MTMR7: variants seen among roughly 807,000 people sequenced by gnomAD.
MTMR7 encodes phosphatidylinositol-3-phosphate phosphatase MTMR7.
In MTMR7, 76 loss-of-function variants were observed where a neutral mutation model predicts 81.2. That is an observed-to-expected ratio of 0.94 (90% CI 0.78 to 1.13). MTMR7 has a LOEUF of 1.13. Ranked by LOEUF, MTMR7 falls within the 50% of genes most tolerant of loss-of-function variation. The pLI is 0.00. For missense variants in MTMR7, 1,044 were observed against 820.0 expected (o/e 1.27, Z -3.34); for synonymous variants, 372 against 289.8 (o/e 1.28, Z -2.88).
intron 1 of MTMR7, among the ~76,000 whole-genome samples, chr8:17,390,740 CAAGG>C (rs1264719383): frequency 3.9e-5 from 6 of 152,150 alleles, no homozygotes. Flanking sequence ...TCGTTCTTCA[CAAGG>C]GAGCAGGAGA....
chr8:17,356,848 C>G (rs528084156), intron 4 of MTMR7, among the ~76,000 whole-genome samples: 3 of 152,216 alleles, frequency 2.0e-5, no homozygotes, highest in Non-Finnish European at 4.4e-5. Context: ...TACCAACCGT[C>G]GGGGAGTCTG....
intron 1 of MTMR7, among the ~76,000 whole-genome samples, chr8:17,392,571 G>C (rs1821135589): frequency 6.6e-6 from 1 of 152,196 alleles, no homozygotes; most frequent in Non-Finnish European, 1.5e-5. Flanking sequence ...GGAATCTAGG[G>C]CGATGTCACT....
At chr8:17,405,869 C>A (rs781679165) in intron 1 of MTMR7, among the ~76,000 whole-genome samples, 3,011 of 92,684 alleles carry the variant, frequency 0.032, 58 homozygotes, top group Middle Eastern at 0.064. Flanking sequence ...CACACACACA[C>A]ACACACACAC....
intron 7 of MTMR7, among the ~76,000 whole-genome samples, chr8:17,327,378 C>T (rs1209837511): frequency 6.6e-6 from 1 of 152,194 alleles, no homozygotes; most frequent in Non-Finnish European, 1.5e-5. Flanking sequence ...CCAAGTGATC[C>T]TCCCACATCA....
intron 1 of MTMR7, among the ~76,000 whole-genome samples, chr8:17,385,307 C>T (rs1024531719): frequency 2.0e-5 from 3 of 152,002 alleles, no homozygotes; most frequent in Admixed American, 6.6e-5. Context: ...TTGGCTGTGT[C>T]CCCACGCAAA....
intron 1 of MTMR7, among the ~76,000 whole-genome samples, chr8:17,373,454 G>A (rs995216974): frequency 1.3e-5 from 2 of 152,112 alleles, no homozygotes; most frequent in African/African-American, 4.8e-5. Flanking sequence ...ACGAAAATAT[G>A]AGTTTAAAGG....
intron 10 of MTMR7, among the ~76,000 whole-genome samples, chr8:17,307,053 C>G (rs1019935231): frequency 6.6e-6 from 1 of 152,132 alleles, no homozygotes; most frequent in African/African-American, 2.4e-5. Flanking sequence ...TCTAATTAAA[C>G]TAAAGAGCTT....
chr8:17,342,091 A>AT (rs910250295), intron 5 of MTMR7, among the ~76,000 whole-genome samples: 4 of 151,458 alleles, frequency 2.6e-5, no homozygotes, highest in Admixed American at 1.3e-4. Context: ...AACAAGGGGG[A>AT]TTTTTTTTTG....
At chr8:17,337,124 C>T (rs568244144) in intron 6 of MTMR7, among the ~76,000 whole-genome samples, 1 of 152,136 alleles carries the variant, frequency 6.6e-6, no homozygotes, top group Non-Finnish European at 1.5e-5. Context: ...GTAATCCTAG[C>T]ACTTTGGGAG....
intron 1 of MTMR7, among the ~76,000 whole-genome samples, chr8:17,412,699 A>T (rs1345720642): frequency 6.6e-6 from 1 of 152,152 alleles, no homozygotes; most frequent in African/African-American, 2.4e-5. Context: ...GCAAGAACAC[A>T]CCATCATTCA....
intron 1 of MTMR7, among the ~76,000 whole-genome samples, chr8:17,397,285 C>T (rs928153403): frequency 6.6e-6 from 1 of 152,138 alleles, no homozygotes; most frequent in African/African-American, 2.4e-5. Context: ...TCCCTGATTC[C>T]AGGCCAAGGC....
intron 4 of MTMR7, among the ~76,000 whole-genome samples, chr8:17,360,810 G>A (rs764070757): frequency 1.3e-5 from 2 of 152,112 alleles, no homozygotes; most frequent in Admixed American, 6.5e-5. Flanking sequence ...ATGGGAGAAT[G>A]AGATCCAGGC....
intron 2 of MTMR7, among the ~76,000 whole-genome samples, chr8:17,371,499 T>C (rs1412264307): frequency 3.3e-5 from 5 of 152,228 alleles, no homozygotes; most frequent in Admixed American, 6.5e-5. Context: ...TAGTCAAATA[T>C]TGAATGCGCT....
intron 1 of MTMR7, among the ~76,000 whole-genome samples, chr8:17,382,623 C>G (rs1046789080): frequency 1.3e-5 from 2 of 152,158 alleles, no homozygotes; most frequent in African/African-American, 4.8e-5. Context: ...TCACGCTACA[C>G]GGCATGCAGA....
chr8:17,401,189 T>C (rs973718360), intron 1 of MTMR7, among the ~76,000 whole-genome samples: 2 of 152,102 alleles, frequency 1.3e-5, no homozygotes, highest in South Asian at 2.1e-4. Flanking sequence ...AGTATGTTGG[T>C]TGAGGTGAGT....
chr8:17,407,084 C>T (rs906062156), intron 1 of MTMR7, among the ~76,000 whole-genome samples: 6 of 152,002 alleles, frequency 3.9e-5, no homozygotes, highest in Non-Finnish European at 7.4e-5. Flanking sequence ...CACAAAATTG[C>T]ATACTTTAGA....
chr8:17,383,127 C>T (rs577276320), intron 1 of MTMR7, among the ~76,000 whole-genome samples: 1 of 152,008 alleles, frequency 6.6e-6, no homozygotes, highest in African/African-American at 2.4e-5. Flanking sequence ...CTCTTAGATA[C>T]CAAGGTTGGG....
At chr8:17,323,021 C>G (rs1334381868) in intron 7 of MTMR7, among the ~76,000 whole-genome samples, 1 of 138,098 alleles carries the variant, frequency 7.2e-6, no homozygotes, top group Non-Finnish European at 1.5e-5. Context: ...GATCTCGGCT[C>G]ACTGTAACCT....
intron 1 of MTMR7, among the ~76,000 whole-genome samples, chr8:17,374,477 C>T (rs1397201001): frequency 1.3e-5 from 2 of 151,838 alleles, no homozygotes; most frequent in African/African-American, 4.8e-5. Flanking sequence ...AGAAATTAGC[C>T]GGGTGTGTTG....
Sources: gnomAD v4.1 joint callset for allele counts (sites outside exome capture counted in the v4.1 genomes callset) on GRCh38, gnomAD v4.1.1 for gene constraint, MANE v1.5 for transcripts, NCBI Gene and HGNC (gene_info 2026-07-23, HGNC 2026-07-21) for gene names.